CSTL1: variants seen among roughly 807,000 people sequenced by gnomAD.
CSTL1 encodes cystatin-like 1.
A neutral mutation model predicts 14.4 loss-of-function variants in CSTL1; 14 were observed. That is an observed-to-expected ratio of 0.97 (90% CI 0.64 to 1.52). The LOEUF (loss-of-function observed/expected upper bound fraction) is 1.52. CSTL1 is among the 40% of genes most tolerant of loss of function. CSTL1 has a pLI of 0.00. For missense variants in CSTL1, 170 were observed against 168.7 expected (o/e 1.01, Z -0.04); for synonymous variants, 72 against 67.5 (o/e 1.07, Z -0.33).
the CSTL1 span, among the ~76,000 whole-genome samples, chr20:23,459,853 A>T: frequency 6.6e-6 from 1 of 151,994 alleles, no homozygotes; most frequent in South Asian, 2.1e-4. Context: ...CTCTTCACTG[A>T]CTCCATCCAG....
At chr20:23,441,857 G>A (rs1222173132) in intron 2 of CSTL1, among the ~76,000 whole-genome samples, 2 of 152,196 alleles carry the variant, frequency 1.3e-5, no homozygotes, top group Non-Finnish European at 2.9e-5. Flanking sequence ...CTGGCTATGG[G>A]AAAGCTCTCT....
chr20:23,449,192 T>A (rs190286579), downstream of CSTL1, among the ~76,000 whole-genome samples: 5 of 152,322 alleles, frequency 3.3e-5, no homozygotes, highest in Admixed American at 3.3e-4. Flanking sequence ...AATCTCACAC[T>A]TTCTGTGCAT....
chr20:23,447,157 C>T (rs1568636650), downstream of CSTL1, among the ~76,000 whole-genome samples: 1 of 152,208 alleles, frequency 6.6e-6, no homozygotes, highest in South Asian at 2.1e-4. Context: ...CCAAAGGCAG[C>T]CTCTGTCCAG....
At chr20:23,445,826 G>T (rs866405175), downstream of CSTL1, among the ~76,000 whole-genome samples, 1 of 152,250 alleles carries the variant, frequency 6.6e-6, no homozygotes, top group Middle Eastern at 3.4e-3. Context: ...CATTCTCATG[G>T]CTGTGATATG....
the CSTL1 span, among the ~76,000 whole-genome samples, chr20:23,457,126 A>C: frequency 6.6e-6 from 1 of 152,196 alleles, no homozygotes; most frequent in Admixed American, 6.5e-5. Context: ...TGTCTCGGCC[A>C]GGACTGCTCT....
downstream of CSTL1, among the ~76,000 whole-genome samples, chr20:23,447,926 A>T (rs146319478): frequency 1.2e-4 from 18 of 151,500 alleles, no homozygotes; most frequent in East Asian, 3.5e-3. Flanking sequence ...ATCTTGTTCA[A>T]CCTCTAAGTT....
At chr20:23,448,749 CA>C (rs2123321904), downstream of CSTL1, among the ~76,000 whole-genome samples, 1 of 152,182 alleles carries the variant, frequency 6.6e-6, no homozygotes, top group East Asian at 1.9e-4. Flanking sequence ...CAAAAAATGT[CA>C]GAAAAGTGTT....
the CSTL1 span, among the ~76,000 whole-genome samples, chr20:23,455,891 C>T: frequency 6.6e-6 from 1 of 152,252 alleles, no homozygotes; most frequent in Non-Finnish European, 1.5e-5. Flanking sequence ...AAGAACACCA[C>T]ATCCTCCAGC....
the CSTL1 span, among the ~76,000 whole-genome samples, chr20:23,455,687 C>T: frequency 3.3e-5 from 5 of 152,200 alleles, no homozygotes; most frequent in African/African-American, 1.2e-4. Flanking sequence ...CATGCCTTGC[C>T]AGTTCCCTCA....
At chr20:23,452,653 G>C in the CSTL1 span, 1 of 1,614,048 alleles carries the variant, frequency 6.2e-7, no homozygotes, top group Non-Finnish European at 8.5e-7. Context: ...TGTTATACTG[G>C]TCGGTGATCC....
At chr20:23,445,941 A>G (rs1361639967), downstream of CSTL1, among the ~76,000 whole-genome samples, 3 of 152,180 alleles carry the variant, frequency 2.0e-5, no homozygotes. Context: ...CGGTGCCGTC[A>G]CACAGAGCAC....
chr20:23,450,438 A>G, the CSTL1 span: 2 of 965,540 alleles, frequency 2.1e-6, no homozygotes, highest in Non-Finnish European at 3.2e-6. Flanking sequence ...TATTGCCTAT[A>G]TTAAGGATTA....
At chr20:23,448,928 C>T (rs1452285219), downstream of CSTL1, among the ~76,000 whole-genome samples, 1 of 152,194 alleles carries the variant, frequency 6.6e-6, no homozygotes, top group East Asian at 1.9e-4. Context: ...CTGTTATTCT[C>T]AGTTAAAGAT....
At chr20:23,440,517 A>C (rs1448981046) in intron 2 of CSTL1, 31 bp downstream of exon 2, 8 of 1,515,234 alleles carry the variant, frequency 5.3e-6, no homozygotes, top group Non-Finnish European at 7.3e-6. Context: ...AGACATCAGC[A>C]GGCCCTGTTC....
Position 23,440,579 on chromosome 20 carries a change from T to C in CSTL1, c.219+93T>C, listed in dbSNP as rs1568634808. 3.1e-6 allele frequency: 3 copies of C among 960,800 alleles called. No individual in the cohort carries two copies. The East Asian group carries it at 7.2e-5, about 23-fold the overall frequency. The allele number at this position is 960,800 out of a possible 1,614,324, so 59.5% of individuals were successfully genotyped here. A position where few individuals can be genotyped will look rare whatever the true frequency, so the allele number is the denominator to read the frequency against. The stretch of plus-strand genomic sequence containing the variant: ...TGGGGTAGCTCCCAAGAGAACCAAG[T>C]GGTGGTCCTCCGTGAGGTCCCAAGG... On this transcript the variant is annotated intron_variant, in intron 2 of 3. Coordinates refer to ENST00000347397, the MANE Select transcript of CSTL1 (RefSeq NM_138283.1).
chr20:23,444,949 C>G, downstream of CSTL1: 1 of 1,020,818 alleles, frequency 9.8e-7, no homozygotes, highest in South Asian at 1.3e-5. Context: ...TCATTGGGGT[C>G]TTATTACACA....
At chr20:23,441,351 C>A (rs961931785) in intron 2 of CSTL1, among the ~76,000 whole-genome samples, 1 of 152,136 alleles carries the variant, frequency 6.6e-6, no homozygotes, top group African/African-American at 2.4e-5. Context: ...TATAAAATTT[C>A]TCTGAAATAT....
chr20:23,445,529 G>A (rs1986949056), downstream of CSTL1, among the ~76,000 whole-genome samples: 1 of 152,170 alleles, frequency 6.6e-6, no homozygotes, highest in Non-Finnish European at 1.5e-5. Flanking sequence ...AAAGTGTTGG[G>A]ATTATAGGCG....
the CSTL1 span, among the ~76,000 whole-genome samples, chr20:23,453,770 A>T: frequency 6.6e-6 from 1 of 152,174 alleles, no homozygotes; most frequent in Non-Finnish European, 1.5e-5. Context: ...AGGCTTCCTC[A>T]TGTGCCTCCA....
Sources: allele counts gnomAD v4.1 joint callset (sites outside exome capture counted in the v4.1 genomes callset), GRCh38; gene constraint gnomAD v4.1.1; transcripts MANE v1.5; gene names NCBI Gene and HGNC (gene_info 2026-07-23, HGNC 2026-07-21).